DPYS: variants seen among roughly 807,000 people sequenced by gnomAD.
DPYS encodes dihydropyrimidinase, also known as dihydropyrimidine amidohydrolase.
DPYS carries 39 observed loss-of-function variants against 50.3 expected under a neutral mutation model. The observed-to-expected ratio is 0.78, with a 90% CI of 0.60 to 1.01. The LOEUF is 1.01. Ranked by LOEUF, DPYS falls within the 50% of genes least tolerant of loss-of-function variation. The probability of loss-of-function intolerance (pLI) is 0.00; values close to 1 mark genes in which losing one functional copy is unlikely to be tolerated. For missense variants in DPYS, 659 were observed against 680.9 expected (o/e 0.97, Z 0.36); for synonymous variants, 245 against 250.7 (o/e 0.98, Z 0.22).
intron 3 of DPYS, among the ~76,000 whole-genome samples, chr8:104,446,985 A>C (rs566104420): frequency 4.6e-5 from 7 of 152,230 alleles, no homozygotes; most frequent in Non-Finnish European, 1.0e-4. Context: ...TAAGCTTCTG[A>C]AAAACAACAA....
intron 7 of DPYS, among the ~76,000 whole-genome samples, chr8:104,416,325 A>G (rs1812366212): frequency 6.6e-6 from 1 of 152,178 alleles, no homozygotes; most frequent in Admixed American, 6.5e-5. Context: ...ATCTATCCAC[A>G]TATATCTGTG....
Position 104,392,768 on chromosome 8 carries a change from A to T in DPYS, c.1443+16T>A. Reference sequence around the variant, plus strand: ...ACAGTCCGACTTGTGGCAGTATCCCACTGTGGCACACTCACCCGGTCTCGC... The same window carrying T: ...ACAGTCCGACTTGTGGCAGTATCCCTCTGTGGCACACTCACCCGGTCTCGC... On this transcript the variant is annotated intron_variant, in intron 8 of 9. Transcript: ENST00000351513. 1 of 1,613,980 alleles carries T rather than the reference A, an allele frequency of 6.2e-7. No individual in the cohort carries two copies. Among genetic ancestry groups the T allele is most frequent in the Non-Finnish European group, 8.5e-7 (1 of 1,179,898 alleles).
At chr8:104,458,361 C>G (rs1279948038) in intron 1 of DPYS, among the ~76,000 whole-genome samples, 2 of 152,214 alleles carry the variant, frequency 1.3e-5, no homozygotes, top group Admixed American at 6.5e-5. Flanking sequence ...ACTCCACTGA[C>G]ACTGTCCCTG....
At chr8:104,415,638 G>T (rs1184460817) in intron 7 of DPYS, among the ~76,000 whole-genome samples, 1 of 151,556 alleles carries the variant, frequency 6.6e-6, no homozygotes, top group Admixed American at 6.6e-5. Context: ...ATCTTAGGAG[G>T]TTTGTTTGAA....
chr8:104,427,159 C>T (rs1342907373), intron 6 of DPYS, among the ~76,000 whole-genome samples: 1 of 148,688 alleles, frequency 6.7e-6, no homozygotes, highest in Non-Finnish European at 1.5e-5. Flanking sequence ...CAAGATTGCA[C>T]CACTGCACTC....
intron 6 of DPYS, 103 bp downstream of exon 6, chr8:104,427,877 T>C (rs1360459357): frequency 6.4e-7 from 1 of 1,571,294 alleles, no homozygotes; most frequent in African/African-American, 1.4e-5. Flanking sequence ...GTAAAAACAA[T>C]CAAAAAGCTT....
chr8:104,390,858 A>G (rs1811363913), intron 8 of DPYS, among the ~76,000 whole-genome samples: 1 of 152,138 alleles, frequency 6.6e-6, no homozygotes, highest in Non-Finnish European at 1.5e-5. Context: ...TTATAGTGAC[A>G]GAGACCTTAG....
intron 2 of DPYS, among the ~76,000 whole-genome samples, chr8:104,450,198 G>A (rs1318042596): frequency 6.7e-6 from 1 of 149,622 alleles, no homozygotes; most frequent in Non-Finnish European, 1.5e-5. Flanking sequence ...GAAGGGAGGG[G>A]AGGGAAGGGA....
At chr8:104,457,706 C>T (rs1285203165) in intron 1 of DPYS, among the ~76,000 whole-genome samples, 1 of 152,176 alleles carries the variant, frequency 6.6e-6, no homozygotes, top group African/African-American at 2.4e-5. Flanking sequence ...CTGAAACCTA[C>T]AAAAACAAGT....
intron 7 of DPYS, among the ~76,000 whole-genome samples, chr8:104,394,324 G>A (rs1040150890): frequency 2.6e-5 from 4 of 152,082 alleles, no homozygotes; most frequent in Admixed American, 6.5e-5. Context: ...TGCTTACTTG[G>A]TTTCCAATCC....
At chr8:104,456,488 G>A (rs1395830449) in intron 1 of DPYS, among the ~76,000 whole-genome samples, 1 of 152,166 alleles carries the variant, frequency 6.6e-6, no homozygotes, top group Non-Finnish European at 1.5e-5. Flanking sequence ...AGAGACAGGA[G>A]AGGAACAACC....
Position 104,429,679 on chromosome 8 carries a change from G to C in DPYS, c.816C>G (p.Pro272=), listed in dbSNP as rs778808760. Residue 272 remains proline (P), a synonymous_variant, in exon 5 of 10, where the codon CCC becomes CCG. Transcript: ENST00000351513. Reference sequence around the variant, plus strand: ...CATCTGTGCCAAGACTGGCTGCTATGGGTTCACCATAGACCACCTTCCCTG... The same window carrying C: ...CATCTGTGCCAAGACTGGCTGCTATCGGTTCACCATAGACCACCTTCCCTG... The part of the protein sequence containing the change: ...RRDGKVVYGE[P]IAASLGTDGT... 1 of 1,614,026 alleles carries C rather than the reference G, an allele frequency of 6.2e-7. No homozygotes were observed.
At chr8:104,461,323 A>ATAAAAT in intron 1 of DPYS, among the ~76,000 whole-genome samples, 1 of 151,166 alleles carries the variant, frequency 6.6e-6, no homozygotes, top group Non-Finnish European at 1.5e-5. Context: ...ATAAAATAAA[A>ATAAAAT]TAAAATAAAA....
intron 6 of DPYS, among the ~76,000 whole-genome samples, chr8:104,427,587 T>C (rs758929119): frequency 3.9e-5 from 6 of 151,942 alleles, no homozygotes; most frequent in Non-Finnish European, 7.4e-5. Context: ...CCCCTTCGTG[T>C]ATTTTTTATC....
At chr8:104,385,018 T>C (rs1182418013) in intron 8 of DPYS, among the ~76,000 whole-genome samples, 1 of 152,206 alleles carries the variant, frequency 6.6e-6, no homozygotes, top group East Asian at 1.9e-4. Context: ...GTTTCCTTGG[T>C]GACCTTAAGA....
At chr8:104,461,868 G>T (rs115916393) in intron 1 of DPYS, among the ~76,000 whole-genome samples, 1 of 152,126 alleles carries the variant, frequency 6.6e-6, no homozygotes, top group Non-Finnish European at 1.5e-5. Context: ...TTTAAGGACA[G>T]GGGGAAATGT....
intron 8 of DPYS, among the ~76,000 whole-genome samples, chr8:104,392,156 T>G (rs1362612504): frequency 6.6e-6 from 1 of 152,150 alleles, no homozygotes; most frequent in African/African-American, 2.4e-5. Context: ...TGGGAGCACA[T>G]TTTTTCAAGG....
intron 7 of DPYS, among the ~76,000 whole-genome samples, chr8:104,397,092 A>C (rs577589125): frequency 1.3e-5 from 2 of 152,242 alleles, no homozygotes; most frequent in East Asian, 3.9e-4. Context: ...CAATCTTAGG[A>C]GCTTTCACAC....
At chr8:104,426,132 G>A (rs779309004) in intron 6 of DPYS, among the ~76,000 whole-genome samples, 6 of 152,150 alleles carry the variant, frequency 3.9e-5, no homozygotes, top group South Asian at 2.1e-4. Flanking sequence ...AGGAAGGGGG[G>A]TGAGGAAAAT....
Sources: allele counts gnomAD v4.1 joint callset (sites outside exome capture counted in the v4.1 genomes callset), GRCh38; gene constraint gnomAD v4.1.1; transcripts MANE v1.5; gene names NCBI Gene and HGNC (gene_info 2026-07-23, HGNC 2026-07-21).